CLEC16A: variants seen among roughly 807,000 people sequenced by gnomAD.
CLEC16A encodes the protein C-type lectin domain containing 16A.
Under a neutral mutation model 109.5 loss-of-function variants are expected in CLEC16A, and 51 were observed. The ratio of observed to expected loss-of-function variants is 0.47; its 90% CI spans 0.37 to 0.59. The LOEUF (loss-of-function observed/expected upper bound fraction) is 0.59, where lower values mean the gene tolerates loss of function less well. Ranked by LOEUF, CLEC16A falls within the 20% of genes least tolerant of loss-of-function variation. The probability of loss-of-function intolerance (pLI) is 0.00; values close to 1 mark genes in which losing one functional copy is unlikely to be tolerated. For synonymous variants in CLEC16A, 673 were observed against 564.2 expected (o/e 1.19, Z -2.73); for missense variants, 1,339 against 1,394.0 (o/e 0.96, Z 0.63).
rs76837940 is a variant in CLEC16A at position 11,020,251 on chromosome 16, C to T, written c.1362C>T (p.Ser454=). ...TCTCAGAGCTGGCCGCCAGCACCTC[C>T]GTGCAGGAGCAGAACACCACGGACG... ...SKLSELAAST[S]VQEQNTTDEE... Residue 454 remains serine (S), a synonymous_variant, in exon 12 of 24, where the codon TCC becomes TCT. Transcript: ENST00000409790. The T allele has an allele frequency of 5.1e-4, 823 of 1,613,718 alleles. No homozygotes were observed. The African/African-American group carries it at 9.9e-3, about 19-fold the overall frequency.
chr16:11,060,530 G>C (rs2048423725), intron 18 of CLEC16A, among the ~76,000 whole-genome samples: 1 of 152,200 alleles, frequency 6.6e-6, no homozygotes, highest in Non-Finnish European at 1.5e-5. Flanking sequence ...CATGGCCTGG[G>C]CAGGTCACTT....
At chr16:11,043,927 G>A in intron 15 of CLEC16A, 101 bp from the exon 16 acceptor site, 1 of 800,468 alleles carries the variant, frequency 1.2e-6, no homozygotes, top group Non-Finnish European at 1.9e-6. Context: ...TATTAGTCCA[G>A]ATCTGTTTTA....
At chr16:11,032,773 C>T (rs1401939959) in intron 13 of CLEC16A, among the ~76,000 whole-genome samples, 3 of 151,978 alleles carry the variant, frequency 2.0e-5, no homozygotes, top group East Asian at 1.9e-4. Flanking sequence ...ACAGAGGCCC[C>T]GGGGTGGGAA....
At chr16:11,100,360 A>T (rs774813008) in intron 19 of CLEC16A, among the ~76,000 whole-genome samples, 1 of 152,196 alleles carries the variant, frequency 6.6e-6, no homozygotes, top group African/African-American at 2.4e-5. Flanking sequence ...TAGCAAGAGC[A>T]GCTGAAGGCG....
At chr16:10,988,536 A>G (rs911019547) in intron 10 of CLEC16A, among the ~76,000 whole-genome samples, 13 of 152,160 alleles carry the variant, frequency 8.5e-5, no homozygotes, top group African/African-American at 2.7e-4. Flanking sequence ...GCAGAGTCAC[A>G]AGGGCTCTCG....
At chr16:11,164,099 A>G (rs1401538729) in intron 22 of CLEC16A, among the ~76,000 whole-genome samples, 1 of 151,964 alleles carries the variant, frequency 6.6e-6, no homozygotes, top group South Asian at 2.1e-4. Flanking sequence ...CACACACACA[A>G]TATATCACAT....
At position 11,060,910 on chromosome 16, in the gene CLEC16A, G is replaced by C. The variant is rs377664121; in HGVS notation, c.2004G>C (p.Arg668=). ...CTGAACTGTTGGTCCAGGCCATCCG[G>C]GTGTTCTTCATGCTGCGTTCCCTGT... ...GDVEKTRRAI[R]VFFMLRSLSL... is the part of the protein sequence containing the mutation. Residue 668 remains arginine, a synonymous_variant, in exon 19 of 24, where the codon CGG becomes CGC. Transcript: ENST00000409790. 6.2e-7 allele frequency: 1 copy of C among 1,610,418 alleles called. No individual in the cohort carries two copies. The highest frequency in any genetic ancestry group is 8.5e-7 in the Non-Finnish European group (1 of 1,178,254).
intron 10 of CLEC16A, among the ~76,000 whole-genome samples, chr16:10,986,063 C>G (rs1310140967): frequency 8.4e-6 from 1 of 118,872 alleles, no homozygotes; most frequent in African/African-American, 3.8e-5. Flanking sequence ...CTGAGTCTCG[C>G]TCTGTCGCCC....
chr16:11,045,719 C>T (rs866788829), intron 16 of CLEC16A, among the ~76,000 whole-genome samples: 3 of 152,268 alleles, frequency 2.0e-5, no homozygotes, highest in Middle Eastern at 3.4e-3. Context: ...ATGGTTTCCC[C>T]TCTTAACGTG....
intron 22 of CLEC16A, among the ~76,000 whole-genome samples, chr16:11,130,524 C>T (rs2053133231): frequency 6.6e-6 from 1 of 152,186 alleles, no homozygotes; most frequent in East Asian, 1.9e-4. Flanking sequence ...TGAATTTCAC[C>T]ACCCTCCTCC....
intron 9 of CLEC16A, among the ~76,000 whole-genome samples, chr16:10,980,459 G>T (rs1670421762): frequency 6.6e-6 from 1 of 151,974 alleles, no homozygotes; most frequent in Admixed American, 6.6e-5. Flanking sequence ...CAGGACCCAA[G>T]CAAGCCAGTT....
Position 11,019,435 on chromosome 16 carries a change from C to T in CLEC16A, c.1304-758C>T, listed in dbSNP as rs553302359. 7.3e-5 allele frequency among the ~76,000 whole-genome samples: 11 copies of T among 150,554 alleles called. No homozygotes were observed. In the East Asian group the frequency reaches 2.1e-3, roughly 29 times the overall value. On this transcript the variant is annotated intron_variant, in intron 11 of 23. Transcript: ENST00000409790. Reference sequence around the variant, plus strand: ...GGAAGTTGTAAGTAAAAAAGGAAAACAAAAGGCTTCAGTCACATCAGAGCT... The same window carrying T: ...GGAAGTTGTAAGTAAAAAAGGAAAATAAAAGGCTTCAGTCACATCAGAGCT...
intron 10 of CLEC16A, among the ~76,000 whole-genome samples, chr16:10,989,060 GTTAGTAA>G (rs2043838414): frequency 6.6e-6 from 1 of 152,162 alleles, no homozygotes; most frequent in Non-Finnish European, 1.5e-5. Flanking sequence ...AGGGAGAAGT[GTTAGTAA>G]TAACAGTGAT....
rs201059713 is a variant in CLEC16A at position 11,178,530 on chromosome 16, C to A, written c.3002C>A (p.Thr1001Lys). Residue 1001 changes from threonine to lysine, a missense_variant, in exon 24 of 24, where the codon ACG (threonine) becomes AAG (lysine). Coordinates refer to ENST00000409790, the MANE Select transcript of CLEC16A (RefSeq NM_015226.3). This position sits in a 1 kb window ranked among gnomAD's most constrained non-coding sequence, Gnocchi z 6.5. ...CTGCTCTGCGAGGACACGGCTGACA[C>A]GCTGAGCGTCGAATCGCTGACCCTT... Reference protein sequence around the residue: ...ISLLCEDTADTLSVESLTLVP... With the variant: ...ISLLCEDTADKLSVESLTLVP... 10 of 1,613,204 alleles carry A rather than the reference C, an allele frequency of 6.2e-6. No homozygotes were observed. In the East Asian group the frequency reaches 8.9e-5, roughly 14 times the overall value.
At chr16:11,096,530 T>C (rs2050619381) in intron 19 of CLEC16A, among the ~76,000 whole-genome samples, 2 of 152,182 alleles carry the variant, frequency 1.3e-5, no homozygotes, top group African/African-American at 4.8e-5. Context: ...AAAAGTATTA[T>C]CTATTCACTG....
intron 19 of CLEC16A, among the ~76,000 whole-genome samples, chr16:11,111,047 C>G (rs537197554): frequency 6.6e-6 from 1 of 152,122 alleles, no homozygotes; most frequent in Non-Finnish European, 1.5e-5. Flanking sequence ...CCCAAAACAG[C>G]CAATCCTGAG....
In CLEC16A at chr16:11,080,125, C is replaced by A. The variant is rs1347604675; in HGVS notation, c.2116+19103C>A. Among the ~76,000 whole-genome samples the A allele has an allele frequency of 2.6e-5, 4 of 152,238 alleles. No homozygotes were observed. The East Asian group carries it at 5.8e-4, about 22-fold the overall frequency. On this transcript the variant is annotated intron_variant, in intron 19 of 23. Coordinates refer to ENST00000409790, the MANE Select transcript of CLEC16A (RefSeq NM_015226.3). ...TTGCACACTTGACTGTAGACAGGGA[C>A]TCTGAGTGTTTCCTCACCCACTCCC...
intron 11 of CLEC16A, among the ~76,000 whole-genome samples, chr16:11,013,139 G>A (rs771524625): frequency 2.3e-4 from 35 of 152,302 alleles, no homozygotes; most frequent in Non-Finnish European, 3.7e-4. Flanking sequence ...GCGAGAACAT[G>A]CAGACTCCAC....
intron 19 of CLEC16A, among the ~76,000 whole-genome samples, chr16:11,110,389 G>A (rs571720950): frequency 6.6e-6 from 1 of 152,156 alleles, no homozygotes; most frequent in African/African-American, 2.4e-5. Flanking sequence ...GGGACTGGGG[G>A]AGCAGCCAGG....
Sources: gnomAD v4.1 joint callset for allele counts (sites outside exome capture counted in the v4.1 genomes callset) on GRCh38, gnomAD v4.1.1 for gene constraint, Gnocchi (gnomAD v3.1) non-coding constraint, MANE v1.5 for transcripts, NCBI Gene and HGNC (gene_info 2026-07-23, HGNC 2026-07-21) for gene names.